PGM5: variants seen among roughly 807,000 people sequenced by gnomAD.
PGM5 encodes the protein phosphoglucomutase-like protein 5.
A neutral mutation model predicts 59.2 loss-of-function variants in PGM5; 23 were observed. The observed-to-expected ratio is 0.39, with a 90% confidence interval of 0.28 to 0.55. The LOEUF is 0.55. PGM5 is among the 20% of genes least tolerant of loss of function. PGM5 has a pLI of 0.66. For missense variants in PGM5, 574 were observed against 748.3 expected, an observed-to-expected ratio of 0.77 and a Z score of 2.72; for synonymous variants, 214 against 286.0, an observed-to-expected ratio of 0.75 and a Z score of 2.54.
intron 10 of PGM5, among the ~76,000 whole-genome samples, chr9:68,519,662 TAAAAA>T (rs200071378): frequency 9.2e-5 from 13 of 140,922 alleles, no homozygotes; most frequent in African/African-American, 3.1e-4. Context: ...AAAAAAAAAT[TAAAAA>T]AAAAAAGAAA....
rs146493164 is a variant in PGM5, at chr9:68,470,733, T to C, written c.1159+5525T>C. On this transcript the variant is annotated intron_variant, in intron 7 of 10. Transcript: ENST00000396396. The stretch of plus-strand genomic sequence containing the variant: ...GTCCTACTGCACTTCTTTTTCTTAT[T>C]TGTGGCCAGTGTGTATAAATTTGGC... Among the ~76,000 whole-genome samples the C allele has an allele frequency of 1.3e-3, 195 of 152,286 alleles. 6 individuals are homozygous for C. Among genetic ancestry groups the C allele is most frequent in the South Asian group, 1.7e-3 (8 of 4,822 alleles).
chr9:68,439,688 C>T (rs1554683567), intron 6 of PGM5, among the ~76,000 whole-genome samples: 2 of 147,886 alleles, frequency 1.4e-5, no homozygotes, highest in East Asian at 2.0e-4. Flanking sequence ...AATACACATG[C>T]ACACATATAT....
chr9:68,356,974 C>A lies in PGM5; in HGVS notation c.-154C>A. The A allele has an allele frequency of 2.9e-6, 2 of 685,920 alleles. No individual in the cohort carries two copies. Among genetic ancestry groups the A allele is most frequent in the East Asian group, 3.5e-5 (1 of 28,278 alleles). 42.5% of individuals were successfully genotyped at this position (685,920 alleles called of 1,614,324 possible). On this transcript the variant is annotated 5_prime_UTR_variant, in exon 1 of 11. Coordinates refer to ENST00000396396, the MANE Select transcript of PGM5 (RefSeq NM_021965.4). ...AGAGGAGGGGCGGGCGGTCCCCAGG[C>A]GGGCGGGTGCAGGGCGCAGGGCGCC...
chr9:68,480,187 C>G (rs182864588), intron 8 of PGM5, among the ~76,000 whole-genome samples: 46 of 152,312 alleles, frequency 3.0e-4, no homozygotes, highest in Non-Finnish European at 2.5e-4. Flanking sequence ...GCCGTGCAGT[C>G]AAACCAGAGG....
chr9:68,432,029 C>T lies in PGM5; in HGVS notation c.1044-33064C>T, dbSNP rs189635637. Among the ~76,000 whole-genome samples the T allele has an allele frequency of 9.1e-4, 138 of 151,888 alleles. 1 individual carries two copies. The highest frequency in any genetic ancestry group is 3.3e-3 in the African/African-American group (135 of 41,416). On this transcript the variant is annotated intron_variant, in intron 6 of 10. Transcript: ENST00000396396. The stretch of plus-strand genomic sequence containing the variant: ...TGCATTTATGCCTCAGGAAATGGGT[C>T]GTTTTATAATTCTTGTGGGGTTCTT...
At chr9:68,444,889 A>G (rs1823587946) in intron 6 of PGM5, among the ~76,000 whole-genome samples, 1 of 152,140 alleles carries the variant, frequency 6.6e-6, no homozygotes, top group Non-Finnish European at 1.5e-5. Context: ...AGAAAGAGCA[A>G]TAGTTTTGGA....
intron 1 of PGM5, among the ~76,000 whole-genome samples, chr9:68,372,009 T>G (rs1195563794): frequency 1.3e-5 from 2 of 152,230 alleles, no homozygotes; most frequent in African/African-American, 2.4e-5. Flanking sequence ...TTTGAACTTC[T>G]GGCCTCCAGA....
chr9:68,473,592 T>C (rs1824056207), intron 7 of PGM5, among the ~76,000 whole-genome samples: 1 of 152,226 alleles, frequency 6.6e-6, no homozygotes, highest in Admixed American at 6.5e-5. Flanking sequence ...CCTAGCGCAG[T>C]GCCTGGTGCC....
intron 6 of PGM5, among the ~76,000 whole-genome samples, chr9:68,439,407 A>G (rs1823490906): frequency 6.8e-6 from 1 of 146,646 alleles, no homozygotes; most frequent in Non-Finnish European, 1.5e-5. Context: ...CTGCTTATAT[A>G]TATAAATATA....
chr9:68,406,591 C>G (rs1489209053), intron 6 of PGM5: 1 of 143,550 alleles, frequency 7.0e-6, no homozygotes, highest in Admixed American at 7.2e-5. Flanking sequence ...GATGAAGTTT[C>G]AACAGAAATT....
chr9:68,527,909 A>G lies in PGM5; in HGVS notation c.1615-1658A>G, dbSNP rs375371637. On this transcript the variant is annotated intron_variant, in intron 10 of 10. Transcript: ENST00000396396. ...GAATTAAAACCTTACACCTCACTCT[A>G]GCATTTAGGTCCCTCCCAACAAGAC... 5.3e-4 allele frequency among the ~76,000 whole-genome samples: 80 copies of G among 152,316 alleles called. 1 individual carries two copies. In the South Asian group the frequency reaches 0.012, roughly 23 times the overall value.
chr9:68,448,240 A>T (rs1339666516), intron 6 of PGM5, among the ~76,000 whole-genome samples: 3 of 152,118 alleles, frequency 2.0e-5, no homozygotes, highest in Non-Finnish European at 2.9e-5. Context: ...ATGTGACAGT[A>T]TGTGTCCTCC....
intron 10 of PGM5, among the ~76,000 whole-genome samples, 153 bp downstream of exon 10, chr9:68,499,514 T>C (rs1036452885): frequency 6.6e-6 from 1 of 152,236 alleles, no homozygotes; most frequent in East Asian, 1.9e-4. Context: ...CAAGCAAGTT[T>C]AATTCGTTCA....
intron 6 of PGM5, chr9:68,395,545 T>C (rs1281034204): frequency 6.6e-6 from 1 of 152,174 alleles, no homozygotes; most frequent in Non-Finnish European, 1.5e-5. Context: ...AATAGTATTT[T>C]AATAATCTTG....
chr9:68,508,618 T>C (rs1824694910), intron 10 of PGM5, among the ~76,000 whole-genome samples: 1 of 152,238 alleles, frequency 6.6e-6, no homozygotes, highest in Non-Finnish European at 1.5e-5. Context: ...CACCAAGTCT[T>C]GCTGGATCTT....
chr9:68,373,323 C>A (rs1463994228), intron 1 of PGM5, among the ~76,000 whole-genome samples: 2 of 151,802 alleles, frequency 1.3e-5, no homozygotes, highest in African/African-American at 4.8e-5. Flanking sequence ...GGTTAATGAG[C>A]AGATCTCACA....
intron 6 of PGM5, among the ~76,000 whole-genome samples, chr9:68,423,629 ATCTCTCTC>A (rs368417025): frequency 2.0e-4 from 26 of 129,438 alleles, no homozygotes; most frequent in South Asian, 5.5e-4. Flanking sequence ...AGAGCACAAA[ATCTCTCTC>A]TCTCTCTCTC....
rs34047393 is a variant in PGM5, at chr9:68,438,286, CAAAAAAAAAA to C, written c.1044-26789_1044-26780del. Among the ~76,000 whole-genome samples the C allele has an allele frequency of 4.3e-4, 15 of 34,826 alleles. No individual in the cohort carries two copies. In the South Asian group the frequency reaches 8.0e-3, roughly 19 times the overall value. The allele number at this position is 34,826 out of a possible 152,430, so 22.8% of individuals were successfully genotyped here. A position where few individuals can be genotyped will look rare whatever the true frequency, so the allele number is the denominator to read the frequency against. ...CCTGGGCGACAGAGGGAGACTCTGT[CAAAAAAAAAA>C]AAAAAAAAAAAAAAAAAGATAGAAT... On this transcript the variant is annotated intron_variant, in intron 6 of 10. Coordinates refer to ENST00000396396, the MANE Select transcript of PGM5 (RefSeq NM_021965.4).
chr9:68,383,266 A>G (rs1374175603), intron 2 of PGM5, among the ~76,000 whole-genome samples: 1 of 152,128 alleles, frequency 6.6e-6, no homozygotes, highest in East Asian at 1.9e-4. Context: ...AGTCACATAC[A>G]TACTTTACAT....
Sources: gnomAD v4.1 joint callset for allele counts (sites outside exome capture counted in the v4.1 genomes callset) on GRCh38, gnomAD v4.1.1 for gene constraint, MANE v1.5 for transcripts, NCBI Gene and HGNC (gene_info 2026-07-23, HGNC 2026-07-21) for gene names.